The following FBXL13 variants were observed in gnomAD, a reference collection of about 807,000 sequenced individuals.
FBXL13 encodes F-box and leucine-rich repeat protein 13.
Under a neutral mutation model 83.6 loss-of-function variants are expected in FBXL13, and 67 were observed. That is an observed-to-expected ratio of 0.80 (90% confidence interval 0.66 to 0.98). FBXL13 has a LOEUF of 0.98. Among genes scored for constraint, FBXL13 ranks in the 50% least tolerant of loss-of-function variants. FBXL13 has a pLI of 0.00. For synonymous variants in FBXL13, 272 were observed against 299.5 expected, an observed-to-expected ratio of 0.91 and a Z score of 0.95; for missense variants, 822 against 866.5, an observed-to-expected ratio of 0.95 and a Z score of 0.64.
At position 102,822,062 on chromosome 7, in the gene FBXL13, G is replaced by A. The variant is rs556325479; in HGVS notation, c.1996C>T (p.Gln666Ter). The A allele has an allele frequency of 6.2e-7, 1 of 1,614,164 alleles. No individual in the cohort carries two copies. Among genetic ancestry groups the A allele is most frequent in the Admixed American group, 1.7e-5 (1 of 60,026 alleles). Residue 666 changes from glutamine to a stop codon, truncating the protein, a stop_gained, in exon 19 of 20, where the codon CAA (glutamine) becomes TAA (stop). Coordinates refer to ENST00000313221, the Ensembl canonical transcript of FBXL13. LOFTEE classifies it low-confidence loss of function (END_TRUNC). ...TACTTGGAAATATTTGTGCAGTATT[G>A]CATCTTAAGGATCCGGAGTTGTTTG...
intron 17 of FBXL13, among the ~76,000 whole-genome samples, chr7:102,840,310 C>T (rs17474893): frequency 0.16 from 24,759 of 152,072 alleles, 2,096 homozygotes; most frequent in Middle Eastern, 0.26. Flanking sequence ...ATTGAATTAC[C>T]CAAATGGCAA....
chr7:102,903,174 ATGGTTGTTGTAAG>A (rs1813192222), intron 11 of FBXL13, among the ~76,000 whole-genome samples: 1 of 151,908 alleles, frequency 6.6e-6, no homozygotes, highest in African/African-American at 2.4e-5. Flanking sequence ...AACTTAATGT[ATGGTTGTTGTAAG>A]TGGGTTTACA....
intron 8 of FBXL13, among the ~76,000 whole-genome samples, chr7:102,951,029 A>G (rs1823310643): frequency 6.6e-6 from 1 of 152,196 alleles, no homozygotes. Flanking sequence ...ATGCGTAAAT[A>G]TAGCTTCACC....
intron 6 of FBXL13, chr7:102,973,885 T>G: frequency 1.5e-6 from 1 of 684,046 alleles, no homozygotes; most frequent in East Asian, 2.7e-5. Context: ...GCCAGGTACT[T>G]GCTGATCATC....
chr7:102,944,893 G>T, intron 8 of FBXL13: 1 of 270,580 alleles, frequency 3.7e-6, no homozygotes, highest in Non-Finnish European at 6.8e-6. Context: ...ATAATGTCCT[G>T]TATAAATGTT....
In FBXL13 at chr7:102,834,086, AAAAGAAAGAAAGAAAG is replaced by A. The variant is rs751744146; in HGVS notation, c.1720-1128_1720-1113del. 1.7e-3 allele frequency among the ~76,000 whole-genome samples: 155 copies of A among 93,680 alleles called. 1 individual carries two copies. Among genetic ancestry groups the A allele is most frequent in the Middle Eastern group, 4.8e-3 (1 of 210 alleles). 61.5% of individuals were successfully genotyped at this position (93,680 alleles called of 152,430 possible). On this transcript the variant is annotated intron_variant, in intron 17 of 19. Transcript: ENST00000313221. ...GAAGGAAGGAAGGAAGGAAGGAAAG[AAAAGAAAGAAAGAAAG>A]AAAGAAAGAAAGAAAGAAAGAAAGA...
chr7:102,834,344 A>G (rs1338214027), intron 17 of FBXL13, among the ~76,000 whole-genome samples: 1 of 147,816 alleles, frequency 6.8e-6, no homozygotes, highest in Non-Finnish European at 1.5e-5. Context: ...AGTAACCCTA[A>G]TGGGTTACTA....
chr7:102,904,704 G>A (rs113901704), intron 11 of FBXL13, among the ~76,000 whole-genome samples: 5 of 151,796 alleles, frequency 3.3e-5, no homozygotes, highest in African/African-American at 1.2e-4. Flanking sequence ...TGCATCATCA[G>A]ATTGTTTATT....
At chr7:102,877,311 T>A (rs1168174719) in intron 16 of FBXL13, among the ~76,000 whole-genome samples, 156 bp downstream of exon 17, 1 of 152,228 alleles carries the variant, frequency 6.6e-6, no homozygotes, top group African/African-American at 2.4e-5. Flanking sequence ...AAAGAAACTT[T>A]TCTATCACCC....
chr7:103,006,718 A>C (rs2129486070), intron 6 of FBXL13, among the ~76,000 whole-genome samples: 1 of 152,314 alleles, frequency 6.6e-6, no homozygotes, highest in Non-Finnish European at 1.5e-5. Context: ...AAATTACTAG[A>C]TTTGTAAAGA....
chr7:102,811,905 A>G (rs945377226), downstream of FBXL13, among the ~76,000 whole-genome samples: 7 of 152,196 alleles, frequency 4.6e-5, no homozygotes, highest in African/African-American at 7.2e-5. Context: ...TTGCAAGTCA[A>G]CCTCAGTGGG....
intron 7 of FBXL13, 29 bp downstream of exon 8, chr7:102,967,993 A>T: frequency 6.5e-7 from 1 of 1,529,888 alleles, no homozygotes; most frequent in Non-Finnish European, 9.1e-7. Context: ...AACTAGTGTA[A>T]AGACATAGTT....
chr7:102,914,343 G>C (rs1011675510), intron 10 of FBXL13, among the ~76,000 whole-genome samples: 6 of 152,196 alleles, frequency 3.9e-5, no homozygotes, highest in African/African-American at 9.7e-5. Context: ...AAAGTGCTCG[G>C]AACAGGCATG....
chr7:102,983,421 C>CTGT, intron 6 of FBXL13, among the ~76,000 whole-genome samples: 1 of 145,488 alleles, frequency 6.9e-6, no homozygotes, highest in Non-Finnish European at 1.5e-5. Flanking sequence ...TCTTTTTTCC[C>CTGT]CTTTTTTTTT....
chr7:103,054,140 A>C (rs942353157), intron 2 of FBXL13, among the ~76,000 whole-genome samples: 1 of 69,722 alleles, frequency 1.4e-5, no homozygotes, highest in Admixed American at 1.7e-4. Flanking sequence ...TCACACCTGT[A>C]ATCTGAGGCT....
intron 2 of FBXL13, among the ~76,000 whole-genome samples, chr7:103,043,165 T>C (rs1430815143): frequency 6.6e-6 from 1 of 152,128 alleles, no homozygotes; most frequent in Admixed American, 6.5e-5. Context: ...GCAAAGGATA[T>C]GAACAGACAC....
Position 102,883,654 on chromosome 7 carries a change from G to T in FBXL13, c.1139C>A (p.Ser380Ter), listed in dbSNP as rs772271911. Residue 380 changes from serine (S) to a stop codon, truncating the protein, a stop_gained, in exon 13 of 20, where the codon TCG becomes TAG. Transcript: ENST00000313221. LOFTEE classifies it high-confidence loss of function. The stretch of plus-strand genomic sequence containing the variant: ...ATGCGGTGCACCAGTGAAAACCAGC[G>T]ATGTAATACGAGAGCATTTTTCAAC... 6.2e-7 allele frequency: 1 copy of T among 1,609,734 alleles called. No individual in the cohort carries two copies. The highest frequency in any genetic ancestry group is 8.5e-7 in the Non-Finnish European group (1 of 1,177,098).
chr7:103,048,292 C>T (rs560913232), intron 2 of FBXL13, among the ~76,000 whole-genome samples: 35 of 152,002 alleles, frequency 2.3e-4, no homozygotes, highest in Admixed American at 6.6e-4. Context: ...AAGTCACTCA[C>T]TTAGCCAAAA....
intron 18 of FBXL13, 62 bp from the exon 20 acceptor site, chr7:102,822,265 C>CT: frequency 6.6e-7 from 1 of 1,516,780 alleles, no homozygotes; most frequent in Non-Finnish European, 9.1e-7. Context: ...AGAACAGTGC[C>CT]TTAGTCACTT....
Sources: allele counts gnomAD v4.1 joint callset (sites outside exome capture counted in the v4.1 genomes callset), GRCh38; gene constraint gnomAD v4.1.1; transcripts MANE v1.5; gene names NCBI Gene and HGNC (gene_info 2026-07-23, HGNC 2026-07-21).